Variants in KIRREL3 observed in about 807,000 individuals in gnomAD.
The protein encoded by KIRREL3 is kirre like nephrin family adhesion molecule 3, also known as kin of IRRE-like protein 3.
KIRREL3 carries 36 observed loss-of-function variants against 89.7 expected under a neutral mutation model. The ratio of observed to expected loss-of-function variants is 0.40; its 90% CI spans 0.31 to 0.53. KIRREL3 has a LOEUF of 0.53. Among genes scored for constraint, KIRREL3 ranks in the 20% least tolerant of loss-of-function variants. KIRREL3 has a pLI of 0.49. For synonymous variants in KIRREL3, 445 were observed against 441.4 expected (o/e 1.01, Z -0.10); for missense variants, 864 against 1,056.6 (o/e 0.82, Z 2.53).
intron 1 of KIRREL3, among the ~76,000 whole-genome samples, chr11:126,859,036 T>C (rs962225978): frequency 2.0e-5 from 3 of 152,284 alleles, no homozygotes; most frequent in Middle Eastern, 3.4e-3. Flanking sequence ...CAAATTGACT[T>C]CATGTGCTGC....
intron 4 of KIRREL3, among the ~76,000 whole-genome samples, chr11:126,480,491 G>C (rs557885193): frequency 1.6e-4 from 24 of 152,138 alleles, no homozygotes; most frequent in Non-Finnish European, 2.8e-4. Flanking sequence ...CAAATTACTT[G>C]GCAAAGACCA....
intron 1 of KIRREL3, among the ~76,000 whole-genome samples, chr11:126,732,475 G>A (rs1246651863): frequency 1.3e-5 from 2 of 152,042 alleles, no homozygotes; most frequent in Non-Finnish European, 2.9e-5. Flanking sequence ...AGCGCTCTCT[G>A]GTCAACTGGA....
Position 126,705,666 on chromosome 11 carries a change from GTGTATA to G in KIRREL3, c.56-142760_56-142755del, listed in dbSNP as rs1160685667. Among the ~76,000 whole-genome samples the G allele has an allele frequency of 6.6e-6, 1 of 152,330 alleles. No homozygotes were observed. The highest frequency in any genetic ancestry group is 1.9e-4 in the East Asian group (1 of 5,190). On this transcript the variant is annotated intron_variant, in intron 1 of 16. Transcript: ENST00000525144. The surrounding 1 kb of genome is among the most constrained non-coding windows in gnomAD (Gnocchi z 4.3). ...ATGGTCTAACACTACGTATGTGCAA[GTGTATA>G]TGTATATGTAATGTATACCTATGTG...
intron 1 of KIRREL3, among the ~76,000 whole-genome samples, chr11:126,798,233 A>G (rs1390296858): frequency 6.8e-6 from 1 of 146,858 alleles, no homozygotes; most frequent in East Asian, 1.9e-4. Flanking sequence ...TCCCGGGTGC[A>G]CAGCTCCTTC....
Position 126,970,918 on chromosome 11 carries a change from C to T in KIRREL3, c.55+29537G>A, listed in dbSNP as rs1038608813. On this transcript the variant is annotated intron_variant, in intron 1 of 16. Transcript: ENST00000525144. This position sits in a 1 kb window ranked among gnomAD's most constrained non-coding sequence, Gnocchi z 4.4. ...GAGAACCACAAACAGAAGCACATGG[C>T]GGTGCTATGGCTTCTCCCCCACCCA... is the stretch of plus-strand genomic sequence containing the variant. Among the ~76,000 whole-genome samples, 2 of 152,140 alleles carry T rather than the reference C, an allele frequency of 1.3e-5. No individual in the cohort carries two copies. The highest frequency in any genetic ancestry group is 6.5e-5 in the Admixed American group (1 of 15,274).
rs1941367948 is a variant in KIRREL3 at position 126,578,395 on chromosome 11, A to G, written c.56-15483T>C. ...GGAAGAGATCCTTGGTTCACACGCT[A>G]GGAAAGAAAAGGGATGATCTTGGTC... On this transcript the variant is annotated intron_variant, in intron 1 of 16. Transcript: ENST00000525144. This position sits in a 1 kb window ranked among gnomAD's most constrained non-coding sequence, Gnocchi z 4.9. Among the ~76,000 whole-genome samples, 1 of 152,334 alleles carries G rather than the reference A, an allele frequency of 6.6e-6. No individual in the cohort carries two copies. The highest frequency in any genetic ancestry group is 2.1e-4 in the South Asian group (1 of 4,830).
rs1978574 is a variant in KIRREL3, at chr11:126,635,919, C to T, written c.56-73007G>A. Among the ~76,000 whole-genome samples, 1 of 152,130 alleles carries T rather than the reference C, an allele frequency of 6.6e-6. No individual in the cohort carries two copies. The highest frequency in any genetic ancestry group is 2.4e-5 in the African/African-American group (1 of 41,418). ...AATAACAAACCATTCTAGGGAACAA[C>T]TTGGTTATTTTTGGGTCATGGGCAG... On this transcript the variant is annotated intron_variant, in intron 1 of 16. Coordinates refer to ENST00000525144, the MANE Select transcript of KIRREL3 (RefSeq NM_032531.4). The surrounding 1 kb of genome is among the most constrained non-coding windows in gnomAD (Gnocchi z 4.0).
chr11:126,863,264 T>C (rs1315231116), intron 1 of KIRREL3, among the ~76,000 whole-genome samples: 1 of 151,010 alleles, frequency 6.6e-6, no homozygotes. Context: ...GATTCCAGCC[T>C]CCTCTTCCTG....
chr11:126,542,878 T>C (rs1057298338), intron 2 of KIRREL3, among the ~76,000 whole-genome samples: 1 of 152,218 alleles, frequency 6.6e-6, no homozygotes, highest in African/African-American at 2.4e-5. Flanking sequence ...AAAAAAGTGA[T>C]ACTTCTCACT....
Position 126,908,013 on chromosome 11 carries a change from G to A in KIRREL3, c.55+92442C>T, listed in dbSNP as rs774879507. On this transcript the variant is annotated intron_variant, in intron 1 of 16. Coordinates refer to ENST00000525144, the MANE Select transcript of KIRREL3 (RefSeq NM_032531.4). This position sits in a 1 kb window ranked among gnomAD's most constrained non-coding sequence, Gnocchi z 4.2. ...TCTTGACCACCTGTGATGTCACACCGCCACCCAAAAGACACCCCCCAAATT... is the reference window on the plus strand; with the variant it reads ...TCTTGACCACCTGTGATGTCACACCACCACCCAAAAGACACCCCCCAAATT... 1.5e-4 allele frequency among the ~76,000 whole-genome samples: 23 copies of A among 151,998 alleles called. 1 individual carries two copies. The highest frequency in any genetic ancestry group is 1.5e-3 in the South Asian group (7 of 4,810).
In KIRREL3 at chr11:126,435,309, T is replaced by G. The variant is rs1359965700; in HGVS notation, c.1553-6A>C. The G allele has an allele frequency of 2.5e-6, 4 of 1,611,578 alleles. No individual in the cohort carries two copies. Among genetic ancestry groups the G allele is most frequent in the Non-Finnish European group, 2.5e-6 (3 of 1,178,836 alleles). ...TCCCGACTTCATTTCCGAACCTGTT[T>G]GGAAATAAAGCAAGCGTCTACAGCC... On this transcript the variant is annotated splice_polypyrimidine_tract_variant and splice_region_variant and intron_variant, in intron 12 of 16. Transcript: ENST00000525144.
chr11:126,760,704 A>G (rs1949642465), intron 1 of KIRREL3, among the ~76,000 whole-genome samples: 1 of 152,182 alleles, frequency 6.6e-6, no homozygotes, highest in Admixed American at 6.5e-5. Context: ...CTAGACCTTG[A>G]AGTCAGACCA....
intron 1 of KIRREL3, among the ~76,000 whole-genome samples, chr11:126,911,964 C>A (rs1454288936): frequency 8.5e-6 from 1 of 117,988 alleles, no homozygotes; most frequent in East Asian, 2.7e-4. Context: ...GCCTGGGCGA[C>A]AGAGCGAGAC....
intron 11 of KIRREL3, among the ~76,000 whole-genome samples, chr11:126,438,659 A>C (rs1955449764): frequency 6.6e-6 from 1 of 152,230 alleles, no homozygotes; most frequent in South Asian, 2.1e-4. Flanking sequence ...CATGTGTTAC[A>C]TTTATAATTA....
Position 126,904,530 on chromosome 11 carries a change from A to C in KIRREL3, c.55+95925T>G, listed in dbSNP as rs922581723. Among the ~76,000 whole-genome samples, 1 of 152,220 alleles carries C rather than the reference A, an allele frequency of 6.6e-6. No homozygotes were observed. The highest frequency in any genetic ancestry group is 1.5e-5 in the Non-Finnish European group (1 of 68,046). ...AGTCATTCCTAATAACATTTCCTTA[A>C]AACTTCTTAGCCACACTTCTTAGCT... On this transcript the variant is annotated intron_variant, in intron 1 of 16. Coordinates refer to ENST00000525144, the MANE Select transcript of KIRREL3 (RefSeq NM_032531.4). This position sits in a 1 kb window ranked among gnomAD's most constrained non-coding sequence, Gnocchi z 4.4.
At position 126,570,342 on chromosome 11, in the gene KIRREL3, T is replaced by C. The variant is rs1432260256; in HGVS notation, c.56-7430A>G. Among the ~76,000 whole-genome samples the C allele has an allele frequency of 6.6e-6, 1 of 152,358 alleles. No homozygotes were observed. Among genetic ancestry groups the C allele is most frequent in the Admixed American group, 6.5e-5 (1 of 15,302 alleles). ...TTTTAAACTATTGATTTGTATTTAA[T>C]TAACTATGCTATTACATACCAATTA... is the stretch of plus-strand genomic sequence containing the variant. On this transcript the variant is annotated intron_variant, in intron 1 of 16. Coordinates refer to ENST00000525144, the MANE Select transcript of KIRREL3 (RefSeq NM_032531.4). This position sits in a 1 kb window ranked among gnomAD's most constrained non-coding sequence, Gnocchi z 6.1.
rs1946323208 is a variant in KIRREL3 at position 126,900,260 on chromosome 11, C to T, written c.55+100195G>A. 6.6e-6 allele frequency among the ~76,000 whole-genome samples: 1 copy of T among 152,146 alleles called. No homozygotes were observed. The highest frequency in any genetic ancestry group is 2.4e-5 in the African/African-American group (1 of 41,426). ...TTTTGGATCACTTGAATTATTCAAA[C>T]CAAAGACGCCTTCACCACCAATGAT... On this transcript the variant is annotated intron_variant, in intron 1 of 16. Coordinates refer to ENST00000525144, the MANE Select transcript of KIRREL3 (RefSeq NM_032531.4). The surrounding 1 kb of genome is among the most constrained non-coding windows in gnomAD (Gnocchi z 4.4).
intron 1 of KIRREL3, among the ~76,000 whole-genome samples, chr11:126,803,198 G>T (rs1951095128): frequency 6.6e-6 from 1 of 152,152 alleles, no homozygotes; most frequent in South Asian, 2.1e-4. Flanking sequence ...TGGCTCAGGG[G>T]ACTTCATAAG....
chr11:126,997,702 T>C lies in KIRREL3; in HGVS notation c.55+2753A>G, dbSNP rs1231866637. ...AACGGACTTTAAGAGTTTATTTGTA[T>C]CTTGAGAGCACTGCTTGGAGCACTC... On this transcript the variant is annotated intron_variant, in intron 1 of 16. Coordinates refer to ENST00000525144, the MANE Select transcript of KIRREL3 (RefSeq NM_032531.4). This position sits in a 1 kb window ranked among gnomAD's most constrained non-coding sequence, Gnocchi z 4.3. Among the ~76,000 whole-genome samples, 1 of 152,190 alleles carries C rather than the reference T, an allele frequency of 6.6e-6. No individual in the cohort carries two copies. Among genetic ancestry groups the C allele is most frequent in the African/African-American group, 2.4e-5 (1 of 41,434 alleles).
Sources: allele counts gnomAD v4.1 joint callset (sites outside exome capture counted in the v4.1 genomes callset), GRCh38; gene constraint gnomAD v4.1.1; non-coding constraint Gnocchi (gnomAD v3.1); transcripts MANE v1.5; gene names NCBI Gene and HGNC (gene_info 2026-07-23, HGNC 2026-07-21).